Variants in AK7 observed in about 807,000 individuals in gnomAD.
AK7 encodes the protein adenylate kinase 7, also known as ATP-AMP transphosphorylase 7.
AK7 carries 78 observed loss-of-function variants against 96.6 expected under a neutral mutation model. The observed-to-expected ratio is 0.81, with a 90% CI of 0.67 to 0.97. The LOEUF (loss-of-function observed/expected upper bound fraction) is 0.97, where lower values mean the gene tolerates loss of function less well. Ranked by LOEUF, AK7 falls within the 50% of genes least tolerant of loss-of-function variation. The pLI, the probability that AK7 is intolerant of heterozygous loss-of-function variation, is 0.00. For synonymous variants in AK7, 302 were observed against 317.2 expected, an observed-to-expected ratio of 0.95 and a Z score of 0.51; for missense variants, 855 against 887.9, an observed-to-expected ratio of 0.96 and a Z score of 0.47.
intron 4 of AK7, among the ~76,000 whole-genome samples, chr14:96,416,678 T>A (rs1012299781): frequency 6.6e-6 from 1 of 152,184 alleles, no homozygotes; most frequent in African/African-American, 2.4e-5. Flanking sequence ...AGACAAATGA[T>A]GCAAACAGTT....
In AK7 at chr14:96,488,473, A is replaced by G. The variant is rs1162429104; in HGVS notation, c.*130A>G. On this transcript the variant is annotated 3_prime_UTR_variant, in exon 18 of 18. Coordinates refer to ENST00000267584, the MANE Select transcript of AK7 (RefSeq NM_152327.5). ...TTTTTTGTAGACAAATATTCTATAA[A>G]CTAGAATCTCTATTAAAAGCTATAT... The G allele has an allele frequency of 5.7e-6, 4 of 700,378 alleles. No individual in the cohort carries two copies. The highest frequency in any genetic ancestry group is 5.5e-5 in the East Asian group (2 of 36,124). The allele number at this position is 700,378 out of a possible 1,614,324, so 43.4% of individuals were successfully genotyped here. A position where few individuals can be genotyped will look rare whatever the true frequency, so the allele number is the denominator to read the frequency against.
chr14:96,407,685 C>T (rs1038118451), intron 3 of AK7, among the ~76,000 whole-genome samples: 1 of 150,726 alleles, frequency 6.6e-6, no homozygotes, highest in Admixed American at 6.7e-5. Context: ...GGGTACACGC[C>T]ATTCTCCTGC....
Position 96,398,247 on chromosome 14 carries a change from C to T in AK7, c.278C>T (p.Ala93Val), listed in dbSNP as rs758176888. 2.7e-5 allele frequency: 43 copies of T among 1,612,948 alleles called. 1 individual carries two copies. The highest frequency in any genetic ancestry group is 1.1e-4 in the South Asian group (10 of 91,038). Residue 93 changes from alanine to valine, a missense_variant, in exon 2 of 18, where the codon GCG (alanine) becomes GTG (valine). Transcript: ENST00000267584. Reference protein sequence around the residue: ...SKPDSPRPDFAVETYSAISRE... With the variant: ...SKPDSPRPDFVVETYSAISRE... The stretch of plus-strand genomic sequence containing the variant: ...CCTGACAGCCCGCGGCCTGACTTTG[C>T]GGTGGAGACGTACTCTGTAAGTCCC...
intron 3 of AK7, among the ~76,000 whole-genome samples, chr14:96,407,730 C>T (rs1346973701): frequency 3.3e-5 from 5 of 151,792 alleles, no homozygotes; most frequent in East Asian, 1.9e-4. Flanking sequence ...TACAGATGCC[C>T]GCCACCACGC....
intron 5 of AK7, among the ~76,000 whole-genome samples, chr14:96,432,915 A>G (rs1482460275): frequency 6.6e-6 from 1 of 151,874 alleles, no homozygotes; most frequent in African/African-American, 2.4e-5. Context: ...AATGGTGTGA[A>G]CCTGGGAGGC....
intron 4 of AK7, among the ~76,000 whole-genome samples, chr14:96,417,327 TA>T (rs1412610811): frequency 6.6e-6 from 1 of 152,236 alleles, no homozygotes; most frequent in Non-Finnish European, 1.5e-5. Flanking sequence ...ACTAAAAATT[TA>T]GTCATTTGTT....
intron 3 of AK7, among the ~76,000 whole-genome samples, chr14:96,405,924 G>A (rs1890684344): frequency 6.6e-6 from 1 of 152,094 alleles, no homozygotes; most frequent in Non-Finnish European, 1.5e-5. Flanking sequence ...TTTGTTTTGA[G>A]ACAAGATCTT....
At chr14:96,446,976 A>T (rs973234231) in intron 8 of AK7, among the ~76,000 whole-genome samples, 2 of 152,140 alleles carry the variant, frequency 1.3e-5, no homozygotes, top group African/African-American at 4.8e-5. Context: ...ATAAAAATAA[A>T]TTAAAAAGTT....
intron 12 of AK7, among the ~76,000 whole-genome samples, chr14:96,461,166 G>C (rs1304967302): frequency 6.6e-6 from 1 of 152,172 alleles, no homozygotes; most frequent in Admixed American, 6.6e-5. Flanking sequence ...TGGTTTTAGA[G>C]AGTCTAAAAG....
chr14:96,408,988 A>G (rs1890886512), intron 4 of AK7, 47 bp downstream of exon 4: 2 of 1,585,602 alleles, frequency 1.3e-6, no homozygotes, highest in African/African-American at 1.3e-5. Context: ...CAGCCATAAC[A>G]CCTTGTAATC....
chr14:96,477,512 G>A (rs2140167386), intron 14 of AK7, among the ~76,000 whole-genome samples: 1 of 152,280 alleles, frequency 6.6e-6, no homozygotes, highest in Middle Eastern at 3.4e-3. Context: ...TCCTGTAGTT[G>A]AGAACATCTA....
chr14:96,421,119 C>T (rs922745145), intron 5 of AK7, among the ~76,000 whole-genome samples, 187 bp downstream of exon 5: 17 of 152,196 alleles, frequency 1.1e-4, no homozygotes, highest in African/African-American at 3.4e-4. Flanking sequence ...ACCACCCAGC[C>T]GAGCTTGAGC....
At chr14:96,460,069 A>G (rs1894170277) in intron 12 of AK7, among the ~76,000 whole-genome samples, 1 of 152,202 alleles carries the variant, frequency 6.6e-6, no homozygotes, top group Non-Finnish European at 1.5e-5. Flanking sequence ...ATAGAATTTC[A>G]GGCTGGTTCC....
At chr14:96,436,883 G>A (rs948026640) in intron 5 of AK7, among the ~76,000 whole-genome samples, 4 of 152,080 alleles carry the variant, frequency 2.6e-5, no homozygotes, top group Non-Finnish European at 4.4e-5. Context: ...GGAGTCCCTC[G>A]CTGTCCAGTG....
In AK7 at chr14:96,478,652, G is replaced by A. The variant is rs115457371; in HGVS notation, c.1743G>A (p.Pro581=). 2.1e-4 allele frequency: 331 copies of A among 1,613,678 alleles called. 5 individuals are homozygous for A. The African/African-American group carries it at 3.0e-3, about 14-fold the overall frequency. The change falls in exon 15 of 18, where the codon CCG becomes CCA. Residue 581 remains proline (P), a synonymous_variant. Transcript: ENST00000267584. The part of the protein sequence containing the change: ...FNYFDELEIH[P]IHIDVGKLED... ...ATTTTGATGAACTTGAAATTCACCCGATACATATTGGTATGAAATGAATTC... is the reference window on the plus strand; with the variant it reads ...ATTTTGATGAACTTGAAATTCACCCAATACATATTGGTATGAAATGAATTC...
At chr14:96,482,470 C>G (rs1223894882) in intron 15 of AK7, among the ~76,000 whole-genome samples, 1 of 152,104 alleles carries the variant, frequency 6.6e-6, no homozygotes, top group African/African-American at 2.4e-5. Context: ...CACCATTTCT[C>G]TTTTTCTTCT....
At chr14:96,465,343 G>C (rs1894501087) in intron 12 of AK7, among the ~76,000 whole-genome samples, 1 of 151,932 alleles carries the variant, frequency 6.6e-6, no homozygotes, top group African/African-American at 2.4e-5. Flanking sequence ...GGTGCCTGTA[G>C]TCCCAGCTAC....
In AK7 at chr14:96,398,252, G is replaced by A; in HGVS notation, c.283G>A (p.Glu95Lys). 3.1e-6 allele frequency: 5 copies of A among 1,613,022 alleles called. No individual in the cohort carries two copies. The highest frequency in any genetic ancestry group is 4.2e-6 in the Non-Finnish European group (5 of 1,179,946). The change falls in exon 2 of 18, where the codon GAG (glutamate) becomes AAG (lysine). Residue 95 changes from glutamate to lysine, a missense_variant. Transcript: ENST00000267584. ...CAGCCCGCGGCCTGACTTTGCGGTG[G>A]AGACGTACTCTGTAAGTCCCGGAGG... ...PDSPRPDFAV[E>K]TYSAISREDL...
At chr14:96,460,181 C>G (rs8003281) in intron 12 of AK7, among the ~76,000 whole-genome samples, 51 of 152,280 alleles carry the variant, frequency 3.3e-4, no homozygotes, top group African/African-American at 1.2e-3. Context: ...TGAGAGGTCT[C>G]TAAGGGATCT....
Sources: allele counts gnomAD v4.1 joint callset (sites outside exome capture counted in the v4.1 genomes callset), GRCh38; gene constraint gnomAD v4.1.1; transcripts MANE v1.5; gene names NCBI Gene and HGNC (gene_info 2026-07-23, HGNC 2026-07-21).